Variants in PDE4D observed in about 807,000 individuals in gnomAD.
The protein encoded by PDE4D is phosphodiesterase 4D, also known as 3',5'-cyclic-AMP phosphodiesterase 4D.
Under a neutral mutation model 87.4 loss-of-function variants are expected in PDE4D, and 24 were observed. That is an observed-to-expected ratio of 0.27 (90% CI 0.20 to 0.39). The LOEUF (loss-of-function observed/expected upper bound fraction) is 0.39. Ranked by LOEUF, PDE4D falls within the 10% of genes least tolerant of loss-of-function variation. The pLI is 1.00. For missense variants in PDE4D, 714 were observed against 1,041.0 expected (o/e 0.69, Z 4.32); for synonymous variants, 384 against 383.2 (o/e 1.00, Z -0.02).
intron 5 of PDE4D, among the ~76,000 whole-genome samples, chr5:59,063,728 A>G (rs1763479066): frequency 6.6e-6 from 1 of 152,202 alleles, no homozygotes; most frequent in South Asian, 2.1e-4. Context: ...CACTCAGTGT[A>G]TCAGCCTTCT....
chr5:59,362,406 G>A (rs1245189908), intron 1 of PDE4D, among the ~76,000 whole-genome samples: 1 of 152,036 alleles, frequency 6.6e-6, no homozygotes, highest in Non-Finnish European at 1.5e-5. Context: ...ATGTGTGTAA[G>A]AATAAAATAT....
At chr5:60,433,131 A>C (rs1413978781) in intron 1 of PDE4D, among the ~76,000 whole-genome samples, 2 of 152,178 alleles carry the variant, frequency 1.3e-5, no homozygotes, top group Non-Finnish European at 2.9e-5. Flanking sequence ...ACTATCAACA[A>C]AGTAAATAGA....
intron 1 of PDE4D, among the ~76,000 whole-genome samples, chr5:59,477,746 C>G (rs958613410): frequency 6.6e-6 from 1 of 152,062 alleles, no homozygotes; most frequent in Non-Finnish European, 1.5e-5. Flanking sequence ...GACACATGCA[C>G]TCATATGTTC....
At chr5:59,269,271 C>A (rs1763374195) in intron 1 of PDE4D, among the ~76,000 whole-genome samples, 1 of 152,158 alleles carries the variant, frequency 6.6e-6, no homozygotes, top group Non-Finnish European at 1.5e-5. Context: ...AACAACCATA[C>A]TCACTTCCTG....
At chr5:60,403,164 C>T (rs1330587653) in intron 1 of PDE4D, among the ~76,000 whole-genome samples, 3 of 152,208 alleles carry the variant, frequency 2.0e-5, no homozygotes, top group Admixed American at 1.3e-4. Context: ...ACAGTGCTGT[C>T]TTAGGAGGCT....
intron 5 of PDE4D, among the ~76,000 whole-genome samples, chr5:59,111,987 A>T (rs895797570): frequency 6.6e-6 from 1 of 152,192 alleles, no homozygotes; most frequent in Non-Finnish European, 1.5e-5. Context: ...AGATATAGTA[A>T]ATTATGTGTT....
chr5:59,130,232 A>T (rs1388850915), intron 5 of PDE4D, among the ~76,000 whole-genome samples: 1 of 152,190 alleles, frequency 6.6e-6, no homozygotes, highest in Non-Finnish European at 1.5e-5. Context: ...ACAAAACCTA[A>T]TTGTGGTCTC....
intron 5 of PDE4D, among the ~76,000 whole-genome samples, chr5:59,085,091 G>T (rs1767425335): frequency 6.6e-6 from 1 of 152,030 alleles, no homozygotes; most frequent in African/African-American, 2.4e-5. Context: ...ACCCAGCCTT[G>T]CTATAAAGAC....
chr5:59,102,224 T>C (rs890640771), intron 5 of PDE4D, among the ~76,000 whole-genome samples: 1 of 151,838 alleles, frequency 6.6e-6, no homozygotes, highest in Non-Finnish European at 1.5e-5. Flanking sequence ...GTAGCTGGGA[T>C]TACAGGCATG....
At chr5:60,391,397 C>G (rs1762553570) in intron 1 of PDE4D, among the ~76,000 whole-genome samples, 1 of 152,016 alleles carries the variant, frequency 6.6e-6, no homozygotes, top group Admixed American at 6.6e-5. Context: ...GTTTATCATG[C>G]CACAGTTCCA....
chr5:59,049,822 G>A (rs1023971126), intron 5 of PDE4D, among the ~76,000 whole-genome samples: 27 of 152,200 alleles, frequency 1.8e-4, no homozygotes, highest in African/African-American at 5.5e-4. Context: ...TCTTTTATTC[G>A]GAATCGCTAT....
intron 2 of PDE4D, among the ~76,000 whole-genome samples, chr5:60,016,177 TTTTG>T (rs1765501726): frequency 6.6e-6 from 1 of 151,770 alleles, no homozygotes; most frequent in African/African-American, 2.4e-5. Flanking sequence ...ACATGAATTT[TTTTG>T]TTTCTCAGTG....
At chr5:59,707,964 G>A (rs535877921) in intron 1 of PDE4D, among the ~76,000 whole-genome samples, 1 of 152,202 alleles carries the variant, frequency 6.6e-6, no homozygotes, top group South Asian at 2.1e-4. Context: ...ATTCCTTTGA[G>A]TATATACTCA....
chr5:60,342,457 T>C (rs1345883992), intron 1 of PDE4D, among the ~76,000 whole-genome samples: 4 of 152,140 alleles, frequency 2.6e-5, no homozygotes, highest in South Asian at 2.1e-4. Context: ...ACCTGTCTCA[T>C]AGGGTTGTTA....
chr5:60,253,602 G>T (rs1449771371), intron 1 of PDE4D, among the ~76,000 whole-genome samples: 1 of 151,792 alleles, frequency 6.6e-6, no homozygotes, highest in Non-Finnish European at 1.5e-5. Context: ...ATTCCATGAG[G>T]TGTTTTTACC....
At chr5:59,518,525 T>C (rs766878369) in intron 1 of PDE4D, among the ~76,000 whole-genome samples, 12 of 152,160 alleles carry the variant, frequency 7.9e-5, no homozygotes, top group Non-Finnish European at 7.4e-5. Flanking sequence ...TTTAGGAAGA[T>C]AGAACTAAAA....
chr5:60,034,297 G>A (rs1371237463), intron 2 of PDE4D, among the ~76,000 whole-genome samples: 2 of 152,178 alleles, frequency 1.3e-5, no homozygotes, highest in African/African-American at 2.4e-5. Flanking sequence ...CCACAAATAA[G>A]TCAGAAGTCC....
intron 5 of PDE4D, among the ~76,000 whole-genome samples, chr5:59,081,180 T>G (rs1766678350): frequency 6.6e-6 from 1 of 152,302 alleles, no homozygotes; most frequent in African/African-American, 2.4e-5. Flanking sequence ...AACTCATTTA[T>G]TTTTATTTGA....
In PDE4D at chr5:59,569,943, A is replaced by G. The variant is rs193104920; in HGVS notation, c.455+323225T>C. Reference sequence around the variant, plus strand: ...ATTCTGGTTCTATTAATACAGCTTAAGATGTTATGTGAAATTTCCAAAATA... The same window carrying G: ...ATTCTGGTTCTATTAATACAGCTTAGGATGTTATGTGAAATTTCCAAAATA... On this transcript the variant is annotated intron_variant, in intron 1 of 14. Coordinates refer to ENST00000340635, the MANE Select transcript of PDE4D (RefSeq NM_001104631.2). 2.4e-3 allele frequency among the ~76,000 whole-genome samples: 367 copies of G among 152,320 alleles called. 5 individuals are homozygous for G. Among genetic ancestry groups the G allele is most frequent in the African/African-American group, 8.5e-3 (354 of 41,580 alleles).
Sources: gnomAD v4.1 joint callset for allele counts (sites outside exome capture counted in the v4.1 genomes callset) on GRCh38, gnomAD v4.1.1 for gene constraint, MANE v1.5 for transcripts, NCBI Gene and HGNC (gene_info 2026-07-23, HGNC 2026-07-21) for gene names.